Variants in PCDH11X observed in about 807,000 individuals in gnomAD.
PCDH11X encodes protocadherin-11 X-linked.
In PCDH11X, 18 loss-of-function variants were observed where a neutral mutation model predicts 53.3. The ratio of observed to expected loss-of-function variants is 0.34; its 90% CI spans 0.23 to 0.50. The LOEUF is 0.50. Among genes scored for constraint, PCDH11X ranks in the 20% least tolerant of loss-of-function variants. The pLI, the probability that PCDH11X is intolerant of heterozygous loss-of-function variation, is 0.98. For synonymous variants in PCDH11X, 279 were observed against 393.3 expected, an observed-to-expected ratio of 0.71 and a Z score of 3.44; for missense variants, 570 against 1,032.4, an observed-to-expected ratio of 0.55 and a Z score of 6.14.
intron 7 of PCDH11X, among the ~76,000 whole-genome samples, chrX:92,220,810 C>A (rs2066852791): frequency 9.5e-6 from 1 of 105,064 alleles, no homozygotes; most frequent in African/African-American, 3.5e-5. Context: ...AAATGTCCAA[C>A]AATGATAGAC....
At chrX:92,511,343 C>T (rs1180619959) in intron 10 of PCDH11X, among the ~76,000 whole-genome samples, 3 of 111,551 alleles carry the variant, frequency 2.7e-5, no homozygotes, top group African/African-American at 6.5e-5. Context: ...AGACGCTTAA[C>T]CCTCACAATT....
rs187091554 is a variant in PCDH11X, at chrX:91,909,228, A to G, written c.3033+29955A>G. 1.2e-4 allele frequency among the ~76,000 whole-genome samples: 13 copies of G among 111,932 alleles called. No individual in the cohort carries two copies. In the Admixed American group the frequency reaches 1.2e-3, roughly 11 times the overall value. ...GCTCTCAGCCAACATACTTTATTGG[A>G]AAAAGTGTGTTTAAAATGGTATAGT... On this transcript the variant is annotated intron_variant, in intron 6 of 10. Transcript: ENST00000682573.
intron 5 of PCDH11X, among the ~76,000 whole-genome samples, chrX:91,858,584 C>T (rs1938483618): frequency 9.0e-6 from 1 of 110,557 alleles, no homozygotes; most frequent in Non-Finnish European, 1.9e-5. Flanking sequence ...TTTGACAATA[C>T]CGAAGTCATT....
chrX:92,590,185 A>G (rs375535738), intron 10 of PCDH11X, among the ~76,000 whole-genome samples: 3 of 109,630 alleles, frequency 2.7e-5, no homozygotes, highest in Middle Eastern at 4.7e-3. Flanking sequence ...CCTTTCCCCA[A>G]ACTGCCTTTG....
intron 8 of PCDH11X, among the ~76,000 whole-genome samples, chrX:92,311,497 C>A (rs749853332): frequency 3.1e-4 from 35 of 111,344 alleles, no homozygotes; most frequent in African/African-American, 9.8e-4. Context: ...TCAAATATAT[C>A]AGATTGACAT....
At chrX:92,092,850 T>A (rs1253621084) in intron 6 of PCDH11X, among the ~76,000 whole-genome samples, 2 of 111,584 alleles carry the variant, frequency 1.8e-5, no homozygotes, top group Non-Finnish European at 3.8e-5. Context: ...CATGTCCAAT[T>A]GTAATCCCCA....
intron 9 of PCDH11X, among the ~76,000 whole-genome samples, chrX:92,435,786 G>C (rs2148629523): frequency 9.0e-6 from 1 of 111,176 alleles, no homozygotes; most frequent in Admixed American, 9.6e-5. Context: ...GATCTTGAAG[G>C]AGCACTAAAT....
intron 8 of PCDH11X, among the ~76,000 whole-genome samples, chrX:92,356,507 T>C (rs2070210158): frequency 1.4e-5 from 1 of 69,394 alleles, no homozygotes; most frequent in South Asian, 5.6e-4. Flanking sequence ...AAAACCCATA[T>C]ACTCGCCTCT....
In PCDH11X at chrX:92,302,355, C is replaced by A. The variant is rs899498218; in HGVS notation, c.3144+39212C>A. ...TCTTCATACGAATACCACAGACTCT[C>A]GCTCTTTTTGTAGAATTTTAGTAGA... is the stretch of plus-strand genomic sequence containing the variant. On this transcript the variant is annotated intron_variant, in intron 8 of 10. Transcript: ENST00000682573. Among the ~76,000 whole-genome samples the A allele has an allele frequency of 2.7e-5, 3 of 110,433 alleles. No homozygotes were observed. In the East Asian group the frequency reaches 8.6e-4, roughly 32 times the overall value.
intron 6 of PCDH11X, among the ~76,000 whole-genome samples, chrX:91,970,967 T>A (rs1451365551): frequency 9.0e-6 from 1 of 111,314 alleles, no homozygotes. Context: ...CATAGCGTCA[T>A]GCAGATGCTA....
chrX:92,321,203 T>G (rs1186952678), intron 8 of PCDH11X, among the ~76,000 whole-genome samples: 4 of 99,959 alleles, frequency 4.0e-5, no homozygotes, highest in South Asian at 5.3e-4. Context: ...TGTTTTTTTT[T>G]TTTTTTTGAG....
At chrX:92,575,938 T>C (rs1438939829) in intron 10 of PCDH11X, among the ~76,000 whole-genome samples, 2,613 of 26,906 alleles carry the variant, frequency 0.097, 199 homozygotes, top group Admixed American at 0.17. Flanking sequence ...TATATATATA[T>C]ATATATACAC....
intron 8 of PCDH11X, among the ~76,000 whole-genome samples, chrX:92,277,321 A>G (rs2068120969): frequency 9.0e-6 from 1 of 111,506 alleles, no homozygotes; most frequent in African/African-American, 3.3e-5. Context: ...ATCCTGTAGG[A>G]TGGAAAAATT....
chrX:92,420,815 G>T (rs1271877923), intron 9 of PCDH11X, among the ~76,000 whole-genome samples: 1 of 111,602 alleles, frequency 9.0e-6, no homozygotes, highest in Admixed American at 9.5e-5. Context: ...CTGAGCTAAT[G>T]AATATGTAAT....
chrX:91,883,793 A>G, intron 6 of PCDH11X: 1 of 721,369 alleles, frequency 1.4e-6, no homozygotes, highest in South Asian at 7.1e-5. Flanking sequence ...TGACAGAGCA[A>G]GACTCTGTCT....
At chrX:91,834,938 A>AATG (rs1286770385) in intron 4 of PCDH11X, 3 of 759,768 alleles carry the variant, frequency 3.9e-6, no homozygotes, top group Non-Finnish European at 4.7e-6. Flanking sequence ...CCTCCTTTAT[A>AATG]ATGATTCCTT....
At chrX:91,825,683 G>T (rs1212663959) in intron 4 of PCDH11X, among the ~76,000 whole-genome samples, 1 of 108,371 alleles carries the variant, frequency 9.2e-6, no homozygotes, top group Non-Finnish European at 1.9e-5. Flanking sequence ...TTCCTATTCG[G>T]CCATCTTGGC....
At chrX:92,488,533 G>A (rs1481319382) in intron 10 of PCDH11X, among the ~76,000 whole-genome samples, 1 of 110,948 alleles carries the variant, frequency 9.0e-6, no homozygotes, top group Non-Finnish European at 1.9e-5. Flanking sequence ...GAATTTTTGA[G>A]CTAATTAGCT....
chrX:92,610,667 C>T (rs766844522), intron 10 of PCDH11X, among the ~76,000 whole-genome samples: 1 of 111,312 alleles, frequency 9.0e-6, no homozygotes, highest in African/African-American at 3.3e-5. Flanking sequence ...AAATTCTTTG[C>T]CAAGGCTAAT....
Sources: allele counts gnomAD v4.1 joint callset (sites outside exome capture counted in the v4.1 genomes callset), GRCh38; gene constraint gnomAD v4.1.1; transcripts MANE v1.5; gene names NCBI Gene and HGNC (gene_info 2026-07-23, HGNC 2026-07-21).